Variants in DGKI observed in about 807,000 individuals in gnomAD.
The protein encoded by DGKI is DAG kinase iota.
DGKI carries 55 observed loss-of-function variants against 147.5 expected under a neutral mutation model. The observed-to-expected ratio is 0.37, with a 90% confidence interval of 0.30 to 0.47. The LOEUF is 0.47. DGKI is among the 20% of genes least tolerant of loss of function. DGKI has a pLI of 1.00. For missense variants in DGKI, 1,007 were observed against 1,323.8 expected (o/e 0.76, Z 3.71); for synonymous variants, 469 against 477.1 (o/e 0.98, Z 0.22).
chr7:137,612,129 A>C (rs994083373), intron 8 of DGKI, among the ~76,000 whole-genome samples: 1 of 151,896 alleles, frequency 6.6e-6, no homozygotes, highest in African/African-American at 2.4e-5. Context: ...GGGAGCACAG[A>C]GTTAGAAAAA....
chr7:137,836,508 T>C (rs1319798633), intron 1 of DGKI, among the ~76,000 whole-genome samples: 2 of 152,178 alleles, frequency 1.3e-5, no homozygotes, highest in African/African-American at 2.4e-5. Context: ...TTCAGACATG[T>C]AAAGTGCACA....
intron 6 of DGKI, among the ~76,000 whole-genome samples, chr7:137,632,074 C>A (rs890726740): frequency 1.3e-5 from 2 of 152,164 alleles, no homozygotes; most frequent in African/African-American, 4.8e-5. Flanking sequence ...ACCATCAAAA[C>A]AAAGTGGGTG....
chr7:137,468,484 T>C (rs1299149112), intron 24 of DGKI, among the ~76,000 whole-genome samples: 4 of 152,192 alleles, frequency 2.6e-5, no homozygotes, highest in African/African-American at 2.4e-5. Flanking sequence ...CTCATTGCTA[T>C]GGAATAAAGA....
chr7:137,573,028 G>T (rs1018246265), intron 17 of DGKI, among the ~76,000 whole-genome samples, 190 bp from the exon 18 acceptor site: 1 of 152,126 alleles, frequency 6.6e-6, no homozygotes, highest in Admixed American at 6.5e-5. Flanking sequence ...AGGGTACAGA[G>T]GTTGGTTTTG....
intron 1 of DGKI, among the ~76,000 whole-genome samples, chr7:137,720,250 C>CTTTTTTTTTTTTTTTTTTTTTTTTTTTTT (rs552382033): frequency 2.3e-5 from 2 of 88,218 alleles, no homozygotes; most frequent in Admixed American, 1.6e-4. Context: ...TTGAAAAAAT[C>CTTTTTTTTTTTTTTTTTTTTTTTTTTTTT]TTTTTTTTTT....
At chr7:137,539,967 A>G (rs10246952) in intron 20 of DGKI, among the ~76,000 whole-genome samples, 9,087 of 152,278 alleles carry the variant, frequency 0.06, 669 homozygotes, top group African/African-American at 0.17. Flanking sequence ...CTCTACATAC[A>G]TTAGTTAACA....
intron 23 of DGKI, among the ~76,000 whole-genome samples, chr7:137,471,475 T>C (rs554029408): frequency 6.6e-6 from 1 of 152,276 alleles, no homozygotes; most frequent in African/African-American, 2.4e-5. Flanking sequence ...TACTTGATCC[T>C]CAAATAAAGC....
intron 28 of DGKI, among the ~76,000 whole-genome samples, chr7:137,425,601 G>A (rs1360359009): frequency 6.6e-6 from 1 of 152,122 alleles, no homozygotes; most frequent in Non-Finnish European, 1.5e-5. Context: ...AAATTACTCT[G>A]AGCTACAGGA....
chr7:137,664,053 A>AG lies in DGKI; in HGVS notation c.607-7514dup, dbSNP rs574307285. 6.7e-4 allele frequency among the ~76,000 whole-genome samples: 102 copies of AG among 152,256 alleles called. No individual in the cohort carries two copies. In the East Asian group the frequency reaches 0.017, roughly 26 times the overall value. On this transcript the variant is annotated intron_variant, in intron 3 of 32. Coordinates refer to ENST00000614521, the MANE Select transcript of DGKI (RefSeq NM_001321708.2). ...TAATGAGGTGCCCTCAGACTGTTTG[A>AG]GGAATGGAAGCCCTCTGCCCACAAT...
At chr7:137,707,773 T>G (rs970386718) in intron 1 of DGKI, among the ~76,000 whole-genome samples, 1 of 152,186 alleles carries the variant, frequency 6.6e-6, no homozygotes, top group Non-Finnish European at 1.5e-5. Context: ...GAGCCTCTTT[T>G]CTTTATAAAT....
At chr7:137,571,737 G>C (rs193020097) in intron 18 of DGKI, among the ~76,000 whole-genome samples, 11 of 152,232 alleles carry the variant, frequency 7.2e-5, no homozygotes, top group African/African-American at 2.6e-4. Context: ...AACTATGGAA[G>C]ACAGAGTGAA....
intron 1 of DGKI, among the ~76,000 whole-genome samples, chr7:137,794,896 T>C (rs994870440): frequency 6.6e-6 from 1 of 152,256 alleles, no homozygotes; most frequent in African/African-American, 2.4e-5. Context: ...CAGATATCAA[T>C]CTTCCTAAAG....
At chr7:137,585,526 A>G (rs1293049408) in intron 13 of DGKI, among the ~76,000 whole-genome samples, 180 bp from the exon 14 acceptor site, 1 of 152,244 alleles carries the variant, frequency 6.6e-6, no homozygotes, top group East Asian at 1.9e-4. Flanking sequence ...AGTAAGATAC[A>G]TAGAAACACT....
At chr7:137,566,494 A>G (rs1236305124) in intron 19 of DGKI, among the ~76,000 whole-genome samples, 1 of 152,142 alleles carries the variant, frequency 6.6e-6, no homozygotes, top group Non-Finnish European at 1.5e-5. Flanking sequence ...TACAGTTTAA[A>G]CTCCATTTAA....
rs760848267 is a variant in DGKI, at chr7:137,493,856, A to T, written c.2249-6167T>A. On this transcript the variant is annotated intron_variant, in intron 21 of 32. Coordinates refer to ENST00000614521, the MANE Select transcript of DGKI (RefSeq NM_001321708.2). ...AAATAGCTGAAATGACAGAAATAGA[A>T]TCAGAATATGGACAGGAATGAAGAT... The T allele has an allele frequency of 7.2e-6, 5 of 696,320 alleles. No individual in the cohort carries two copies. In the South Asian group the frequency reaches 7.5e-5, roughly 11 times the overall value. 43.1% of individuals were successfully genotyped at this position (696,320 alleles called of 1,614,324 possible).
At chr7:137,645,445 G>A (rs777921643) in intron 6 of DGKI, 27 bp downstream of exon 6, 19 of 1,607,598 alleles carry the variant, frequency 1.2e-5, no homozygotes, top group Admixed American at 3.4e-5. Context: ...AGCCTCCTGC[G>A]AGGCCATGAG....
chr7:137,459,176 T>C (rs926627792), intron 27 of DGKI, among the ~76,000 whole-genome samples: 1 of 152,180 alleles, frequency 6.6e-6, no homozygotes, highest in East Asian at 1.9e-4. Flanking sequence ...TAATTCATCC[T>C]TTTTATACTA....
intron 20 of DGKI, among the ~76,000 whole-genome samples, chr7:137,538,358 A>T (rs1414415309): frequency 1.3e-5 from 2 of 152,206 alleles, no homozygotes; most frequent in Non-Finnish European, 2.9e-5. Flanking sequence ...CATCCTTACC[A>T]AGAAGTCTTC....
intron 8 of DGKI, among the ~76,000 whole-genome samples, chr7:137,611,240 C>T (rs923582102): frequency 3.9e-5 from 6 of 152,236 alleles, no homozygotes; most frequent in African/African-American, 1.2e-4. Context: ...CTAGAAACCA[C>T]GAGGCTGGCA....
Sources: gnomAD v4.1 joint callset for allele counts (sites outside exome capture counted in the v4.1 genomes callset) on GRCh38, gnomAD v4.1.1 for gene constraint, MANE v1.5 for transcripts, NCBI Gene and HGNC (gene_info 2026-07-23, HGNC 2026-07-21) for gene names.